The following ASPH variants were observed in gnomAD, a reference collection of about 807,000 sequenced individuals.
The protein encoded by ASPH is aspartate beta-hydroxylase.
Under a neutral mutation model 118.4 loss-of-function variants are expected in ASPH, and 100 were observed. The ratio of observed to expected loss-of-function variants is 0.84; its 90% confidence interval spans 0.72 to 1.00. The LOEUF is 1.00. ASPH is among the 50% of genes least tolerant of loss of function. The pLI, the probability that ASPH is intolerant of heterozygous loss-of-function variation, is 0.00. For synonymous variants in ASPH, 315 were observed against 325.6 expected (o/e 0.97, Z 0.35); for missense variants, 920 against 919.5 (o/e 1.00, Z -0.01).
chr8:61,525,905 G>A, intron 22 of ASPH, 72 bp downstream of exon 22: 1 of 1,578,242 alleles, frequency 6.3e-7, no homozygotes, highest in East Asian at 2.2e-5. Context: ...AGCATCACCA[G>A]AAGACTCTTG....
chr8:61,617,220 G>A (rs971010449), intron 14 of ASPH, among the ~76,000 whole-genome samples: 2 of 152,100 alleles, frequency 1.3e-5, no homozygotes, highest in Admixed American at 6.6e-5. Context: ...GAAATGCTCC[G>A]AGGACTAAGT....
intron 3 of ASPH, chr8:61,668,425 C>G (rs1820781164): frequency 3.3e-6 from 2 of 602,484 alleles, no homozygotes; most frequent in Admixed American, 7.0e-5. Context: ...CAATATCTCT[C>G]TTATTTGTCA....
intron 24 of ASPH, among the ~76,000 whole-genome samples, chr8:61,516,043 T>G (rs1048278436): frequency 2.0e-5 from 3 of 152,234 alleles, no homozygotes; most frequent in Non-Finnish European, 2.9e-5. Flanking sequence ...TCTAAAAGAC[T>G]CTTTCACTTT....
chr8:61,678,429 T>C (rs905829172), intron 3 of ASPH, among the ~76,000 whole-genome samples: 3 of 152,090 alleles, frequency 2.0e-5, no homozygotes, highest in Non-Finnish European at 4.4e-5. Context: ...TGAAGAAAAA[T>C]GGGCTTAGCA....
intron 14 of ASPH, among the ~76,000 whole-genome samples, chr8:61,604,880 C>G (rs1341348934): frequency 6.6e-6 from 1 of 152,212 alleles, no homozygotes; most frequent in Non-Finnish European, 1.5e-5. Context: ...GAATACATTA[C>G]TTTTTCCCAG....
chr8:61,610,794 TACCTAGTGTTTCA>T (rs1847079818), intron 14 of ASPH, among the ~76,000 whole-genome samples: 1 of 152,178 alleles, frequency 6.6e-6, no homozygotes, highest in African/African-American at 2.4e-5. Flanking sequence ...CAATGAGGAA[TACCTAGTGTTTCA>T]GGACTGCTAA....
chr8:61,630,411 A>T (rs1391504168), intron 13 of ASPH, among the ~76,000 whole-genome samples: 1 of 152,220 alleles, frequency 6.6e-6, no homozygotes, highest in African/African-American at 2.4e-5. Flanking sequence ...ATTTATGAAG[A>T]TTGCACAAGT....
chr8:61,558,961 A>T (rs573182272), intron 18 of ASPH, among the ~76,000 whole-genome samples: 20 of 152,218 alleles, frequency 1.3e-4, no homozygotes, highest in African/African-American at 4.8e-4. Flanking sequence ...TGAGGATGCA[A>T]ACTTTAATCA....
intron 4 of ASPH, among the ~76,000 whole-genome samples, chr8:61,653,131 A>G (rs1266500332): frequency 6.6e-6 from 1 of 152,200 alleles, no homozygotes; most frequent in Non-Finnish European, 1.5e-5. Context: ...GCCCACAGGG[A>G]GGTTTGGGAA....
chr8:61,662,901 C>A, intron 3 of ASPH: 1 of 984,672 alleles, frequency 1.0e-6, no homozygotes, highest in Non-Finnish European at 1.2e-6. Context: ...TATTTTCACT[C>A]ATTTGTTTAG....
intron 14 of ASPH, among the ~76,000 whole-genome samples, chr8:61,617,947 A>AAAAAG (rs1554683198): frequency 1.4e-3 from 210 of 150,732 alleles, no homozygotes; most frequent in African/African-American, 4.4e-3. Flanking sequence ...AAAAAAAAAA[A>AAAAAG]AAAGAAAGAA....
chr8:61,672,879 T>C (rs975935035), intron 3 of ASPH, among the ~76,000 whole-genome samples: 1 of 152,110 alleles, frequency 6.6e-6, no homozygotes. Context: ...TCACAGAAAA[T>C]TTCTTGTATG....
chr8:61,574,159 C>T lies in ASPH; in HGVS notation c.1149+2613G>A, dbSNP rs573887853. ...AAAACCAGAATGAGATACCATCTCA[C>T]GCCAGTTAGAATGGCGATCATTAAA... On this transcript the variant is annotated intron_variant, in intron 16 of 24. Coordinates refer to ENST00000379454, the MANE Select transcript of ASPH (RefSeq NM_004318.4). Among the ~76,000 whole-genome samples, 49 of 152,230 alleles carry T rather than the reference C, an allele frequency of 3.2e-4. No individual in the cohort carries two copies. In the South Asian group the frequency reaches 6.0e-3, roughly 19 times the overall value.
rs1805211621 is a variant in ASPH at position 61,503,131 on chromosome 8, A to G, written c.*228T>C. On this transcript the variant is annotated 3_prime_UTR_variant, in exon 25 of 25. Transcript: ENST00000379454. ...TGTTCACCTTAAATACTGGCAGAAG[A>G]CCAGTGCTGTCATGAGATGACACAC... The G allele has an allele frequency of 2.6e-6, 1 of 383,304 alleles. No homozygotes were observed. The highest frequency in any genetic ancestry group is 4.6e-6 in the Non-Finnish European group (1 of 219,466). The allele number at this position is 383,304 out of a possible 1,614,324, so 23.7% of individuals were successfully genotyped here.
At chr8:61,578,160 T>C in intron 15 of ASPH, 1 of 1,501,556 alleles carries the variant, frequency 6.7e-7, no homozygotes, top group South Asian at 1.3e-5. Context: ...AAGCAGCTTC[T>C]CCGCTCCTTC....
At chr8:61,551,830 CA>C (rs1233103465) in intron 20 of ASPH, among the ~76,000 whole-genome samples, 1 of 152,146 alleles carries the variant, frequency 6.6e-6, no homozygotes, top group Non-Finnish European at 1.5e-5. Flanking sequence ...AAATGCGATG[CA>C]AAAAGGACTA....
intron 13 of ASPH, chr8:61,624,087 A>C (rs1234558612): frequency 2.2e-6 from 1 of 451,052 alleles, no homozygotes; most frequent in Non-Finnish European, 2.9e-6. Flanking sequence ...ATAGTTATAT[A>C]CAATGAATAA....
At chr8:61,582,969 T>C (rs892717969) in intron 15 of ASPH, 2 of 152,230 alleles carry the variant, frequency 1.3e-5, no homozygotes, top group Non-Finnish European at 2.9e-5. Context: ...TTAGATGATA[T>C]GACCAAGGTA....
intron 1 of ASPH, among the ~76,000 whole-genome samples, chr8:61,711,620 C>CA: frequency 6.6e-6 from 1 of 151,632 alleles, no homozygotes; most frequent in South Asian, 2.1e-4. Flanking sequence ...CATCACTTTT[C>CA]AGCAAAAAAA....
Sources: gnomAD v4.1 joint callset for allele counts (sites outside exome capture counted in the v4.1 genomes callset) on GRCh38, gnomAD v4.1.1 for gene constraint, MANE v1.5 for transcripts, NCBI Gene and HGNC (gene_info 2026-07-23, HGNC 2026-07-21) for gene names.